The following SYPL2 variants were observed in gnomAD, a reference collection of about 807,000 sequenced individuals.
SYPL2 encodes synaptophysin like 2.
In SYPL2, 24 loss-of-function variants were observed where a neutral mutation model predicts 31.3. That is an observed-to-expected ratio of 0.77 (90% CI 0.56 to 1.08). The LOEUF (loss-of-function observed/expected upper bound fraction) is 1.08, where lower values mean the gene tolerates loss of function less well. SYPL2 is among the 50% of genes least tolerant of loss of function. The pLI is 0.00. For synonymous variants in SYPL2, 144 were observed against 143.1 expected, an observed-to-expected ratio of 1.01 and a Z score of -0.05; for missense variants, 342 against 360.1, an observed-to-expected ratio of 0.95 and a Z score of 0.41.
chr1:109,476,727 G>A (rs1239556923), intron 3 of SYPL2, 49 bp from the exon 4 acceptor site: 1 of 1,582,372 alleles, frequency 6.3e-7, no homozygotes, highest in African/African-American at 1.3e-5. Context: ...CTGGGCCAGG[G>A]AGAGAGAGGA....
At chr1:109,477,043 G>A (rs1239483673) in intron 4 of SYPL2, 66 bp downstream of exon 4, 2 of 1,586,848 alleles carry the variant, frequency 1.3e-6, no homozygotes, top group Non-Finnish European at 1.7e-6. Context: ...GTTGAGGTCA[G>A]AACTGGAGCA....
In SYPL2 at chr1:109,477,821, TTC is replaced by T. The variant is rs1227188944; in HGVS notation, c.462_463del (p.Phe154LeufsTer111). The T allele has an allele frequency of 2.5e-6, 4 of 1,605,564 alleles. No homozygotes were observed. Among genetic ancestry groups the T allele is most frequent in the Non-Finnish European group, 3.4e-6 (4 of 1,174,896 alleles). ...TENKRFPLVD[F>X]CVTVSFTFFW... ...CCCATCCCTCTGCTCCTCCCAGGACTTCTGTGTGACTGTCTCCTTCACCTTCT... is the reference window on the plus strand; with the variant it reads ...CCCATCCCTCTGCTCCTCCCAGGACTTGTGTGACTGTCTCCTTCACCTTCT... On this transcript the variant is annotated frameshift_variant, in exon 5 of 6. Transcript: ENST00000369872. LOFTEE classifies it high-confidence loss of function.
rs777788071 is a variant in SYPL2 at position 109,476,980 on chromosome 1, G to C, written c.456+3G>C. 6.2e-6 allele frequency: 10 copies of C among 1,614,084 alleles called. 2 individuals carry two copies. The East Asian group carries it at 2.2e-4, about 36-fold the overall frequency. On this transcript the variant is annotated splice_donor_region_variant and intron_variant, in intron 4 of 5. Coordinates refer to ENST00000369872, the MANE Select transcript of SYPL2 (RefSeq NM_001040709.2). ...AGAACAAACGCTTCCCGCTGGTGGT[G>C]AGTCAGCACAGGCCAGAAGGAATGG...
At position 109,475,572 on chromosome 1, in the gene SYPL2, C is replaced by T. The variant is rs773444740; in HGVS notation, c.130-9C>T. On this transcript the variant is annotated splice_polypyrimidine_tract_variant and intron_variant, in intron 2 of 5. Coordinates refer to ENST00000369872, the MANE Select transcript of SYPL2 (RefSeq NM_001040709.2). Reference sequence around the variant, plus strand: ...TTCTGACTCTCAAAGAGGCTTCACTCTCTCTCAGCTCTTTGCTATTTTCGC... The same window carrying T: ...TTCTGACTCTCAAAGAGGCTTCACTTTCTCTCAGCTCTTTGCTATTTTCGC... 2.1e-5 allele frequency: 34 copies of T among 1,613,206 alleles called. No individual in the cohort carries two copies. In the South Asian group the frequency reaches 3.4e-4, roughly 16 times the overall value.
chr1:109,472,070 C>G (rs550166314), intron 2 of SYPL2, among the ~76,000 whole-genome samples: 1 of 152,176 alleles, frequency 6.6e-6, no homozygotes, highest in East Asian at 1.9e-4. Context: ...CTAGGGGCTA[C>G]TGTTTTGGAT....
rs1656074682 is a variant in SYPL2, at chr1:109,478,800, G to C, written c.649-578G>C. ...AGACTGTGCCATTAACTTTTTACTA[G>C]ACTTGCTTTATCACATATTTATTCA... On this transcript the variant is annotated intron_variant, in intron 5 of 5. Coordinates refer to ENST00000369872, the MANE Select transcript of SYPL2 (RefSeq NM_001040709.2). This position sits in a 1 kb window ranked among gnomAD's most constrained non-coding sequence, Gnocchi z 4.0. 6.6e-6 allele frequency among the ~76,000 whole-genome samples: 1 copy of C among 152,118 alleles called. No homozygotes were observed. Among genetic ancestry groups the C allele is most frequent in the South Asian group, 2.1e-4 (1 of 4,814 alleles).
intron 2 of SYPL2, among the ~76,000 whole-genome samples, chr1:109,469,890 A>G (rs2100999752): frequency 6.6e-6 from 1 of 150,978 alleles, no homozygotes; most frequent in Admixed American, 6.6e-5. Context: ...ATAGAGACAG[A>G]TTTTTGAGGT....
At chr1:109,475,807 G>C in intron 3 of SYPL2, 102 bp downstream of exon 3, 1 of 1,474,724 alleles carries the variant, frequency 6.8e-7, no homozygotes, top group South Asian at 1.3e-5. Context: ...CATTCATTGC[G>C]TGCCACTCCA....
At chr1:109,469,965 G>A (rs1655776488) in intron 2 of SYPL2, among the ~76,000 whole-genome samples, 1 of 151,712 alleles carries the variant, frequency 6.6e-6, no homozygotes. Context: ...GGAACCTTGA[G>A]TGAGTAAATA....
At chr1:109,474,314 TTTTCTTTTC>T (rs1202791112) in intron 2 of SYPL2, among the ~76,000 whole-genome samples, 2 of 122,508 alleles carry the variant, frequency 1.6e-5, no homozygotes, top group East Asian at 2.0e-4. Context: ...TTTTCTTTTC[TTTTCTTTTC>T]TTTTTTTTTT....
chr1:109,476,933 C>T lies in SYPL2; in HGVS notation c.412C>T (p.Arg138Cys), dbSNP rs376768412. 99 of 1,614,044 alleles carry T rather than the reference C, an allele frequency of 6.1e-5. No homozygotes were observed. The highest frequency in any genetic ancestry group is 8.3e-5 in the Admixed American group (5 of 59,996). Reference sequence around the variant, plus strand: ...CATGGCTGCCCTAGTTATCTACCTGCGCTTCCACAACCTCTACACAGAGAA... The same window carrying T: ...CATGGCTGCCCTAGTTATCTACCTGTGCTTCCACAACCTCTACACAGAGAA... ...YTMAALVIYLRFHNLYTENKR... is the reference protein window; with the variant it reads ...YTMAALVIYLCFHNLYTENKR... Residue 138 changes from arginine (R) to cysteine (C), a missense_variant, in exon 4 of 6, where the codon CGC becomes TGC. By Grantham distance (180) the Arg-to-Cys change is radical. Transcript: ENST00000369872.
chr1:109,469,506 A>G (rs1380956056), intron 2 of SYPL2, among the ~76,000 whole-genome samples: 2 of 151,848 alleles, frequency 1.3e-5, no homozygotes, highest in Non-Finnish European at 2.9e-5. Flanking sequence ...TTTTTAAAAA[A>G]GAAAAGGACA....
At chr1:109,477,125 T>A in intron 4 of SYPL2, 148 bp downstream of exon 4, 1 of 933,580 alleles carries the variant, frequency 1.1e-6, no homozygotes, top group Non-Finnish European at 1.6e-6. Flanking sequence ...TGCTTGCTCC[T>A]GTTCACAGGA....
rs1316746176 is a variant in SYPL2, at chr1:109,466,697, A to C, written c.-147A>C. The C allele has an allele frequency of 1.3e-6, 1 of 778,550 alleles. No homozygotes were observed. The highest frequency in any genetic ancestry group is 1.8e-6 in the Non-Finnish European group (1 of 557,058). 48.2% of individuals were successfully genotyped at this position (778,550 alleles called of 1,614,324 possible). A position where few individuals can be genotyped will look rare whatever the true frequency, so the allele number is the denominator to read the frequency against. ...CCAGCCAGCCAGCCAGCCAGACTGG[A>C]CTCCGGCCCACCGACGGCCGCTCGC... is the stretch of plus-strand genomic sequence containing the variant. On this transcript the variant is annotated 5_prime_UTR_variant, in exon 1 of 6. Coordinates refer to ENST00000369872, the MANE Select transcript of SYPL2 (RefSeq NM_001040709.2).
At chr1:109,473,111 G>C (rs1020216439) in intron 2 of SYPL2, among the ~76,000 whole-genome samples, 1 of 152,140 alleles carries the variant, frequency 6.6e-6, no homozygotes, top group Non-Finnish European at 1.5e-5. Context: ...AAAGATTAGC[G>C]AATTCCTATG....
chr1:109,472,896 A>T (rs1655877360), intron 2 of SYPL2, among the ~76,000 whole-genome samples: 1 of 151,932 alleles, frequency 6.6e-6, no homozygotes, highest in African/African-American at 2.4e-5. Context: ...CTGGGATTAC[A>T]GCTGTGAGCC....
At chr1:109,477,423 G>A (rs1036350911) in intron 4 of SYPL2, among the ~76,000 whole-genome samples, 4 of 152,130 alleles carry the variant, frequency 2.6e-5, no homozygotes, top group Non-Finnish European at 1.5e-5. Flanking sequence ...CATGCAAGGC[G>A]GAAGGGGTGC....
chr1:109,477,238 A>C (rs1450646022), intron 4 of SYPL2, among the ~76,000 whole-genome samples: 1 of 152,096 alleles, frequency 6.6e-6, no homozygotes, highest in African/African-American at 2.4e-5. Context: ...CAAGTTAAAT[A>C]ACCTCTCTAA....
At chr1:109,471,455 C>T (rs566641357) in intron 2 of SYPL2, among the ~76,000 whole-genome samples, 46 of 152,292 alleles carry the variant, frequency 3.0e-4, no homozygotes, top group Middle Eastern at 6.8e-3. Context: ...TCAGGACCGT[C>T]GTTTAGACAC....
Sources: gnomAD v4.1 joint callset for allele counts (sites outside exome capture counted in the v4.1 genomes callset) on GRCh38, gnomAD v4.1.1 for gene constraint, Gnocchi (gnomAD v3.1) non-coding constraint, MANE v1.5 for transcripts, NCBI Gene and HGNC (gene_info 2026-07-23, HGNC 2026-07-21) for gene names.